The following MARK1 variants were observed in gnomAD, a reference collection of about 807,000 sequenced individuals.
The protein encoded by MARK1 is serine/threonine-protein kinase MARK1.
In MARK1, 40 loss-of-function variants were observed where a neutral mutation model predicts 96.3. The observed-to-expected ratio is 0.42, with a 90% CI of 0.32 to 0.54. MARK1 has a LOEUF of 0.54. Among genes scored for constraint, MARK1 ranks in the 20% least tolerant of loss-of-function variants. The pLI, the probability that MARK1 is intolerant of heterozygous loss-of-function variation, is 0.16. For synonymous variants in MARK1, 317 were observed against 341.2 expected (o/e 0.93, Z 0.78); for missense variants, 719 against 984.6 (o/e 0.73, Z 3.61).
Position 220,615,915 on chromosome 1 carries a change from CTT to C in MARK1, c.496-21_496-20del, listed in dbSNP as rs765896176. ...ATTGCGTTTTTTTAATAATTTGACT[CTT>C]TTATCCAAATGTTTATTCCAGATTG... On this transcript the variant is annotated intron_variant, in intron 6 of 17. Coordinates refer to ENST00000366917, the MANE Select transcript of MARK1 (RefSeq NM_018650.5). The C allele has an allele frequency of 8.1e-6, 11 of 1,361,784 alleles. No individual in the cohort carries two copies. The South Asian group carries it at 1.3e-4, about 16-fold the overall frequency. 84.4% of individuals were successfully genotyped at this position (1,361,784 alleles called of 1,614,324 possible).
intron 3 of MARK1, among the ~76,000 whole-genome samples, chr1:220,587,365 G>A (rs12125327): frequency 7.9e-6 from 1 of 127,158 alleles, no homozygotes; most frequent in South Asian, 2.5e-4. Context: ...CTCTCTCTCT[G>A]TCTTTCTTTC....
intron 13 of MARK1, among the ~76,000 whole-genome samples, chr1:220,638,407 G>A (rs1668090004): frequency 6.6e-6 from 1 of 151,846 alleles, no homozygotes; most frequent in African/African-American, 2.4e-5. Flanking sequence ...ATCTTTTATG[G>A]CCAAATACTC....
At position 220,654,636 on chromosome 1, in the gene MARK1, A is replaced by G. The variant is rs1572243145; in HGVS notation, c.1988+1284A>G. 6.6e-6 allele frequency among the ~76,000 whole-genome samples: 1 copy of G among 152,252 alleles called. No individual in the cohort carries two copies. The highest frequency in any genetic ancestry group is 6.5e-5 in the Admixed American group (1 of 15,280). ...AGTTAGATCATAGTGTTAGCCGGCCATCTGCAGGGTACTAGTCAGATTATC... is the reference window on the plus strand; with the variant it reads ...AGTTAGATCATAGTGTTAGCCGGCCGTCTGCAGGGTACTAGTCAGATTATC... On this transcript the variant is annotated intron_variant, in intron 16 of 17. Coordinates refer to ENST00000366917, the MANE Select transcript of MARK1 (RefSeq NM_018650.5). The surrounding 1 kb of genome is among the most constrained non-coding windows in gnomAD (Gnocchi z 4.0).
chr1:220,593,921 C>G (rs1291871216), intron 3 of MARK1, among the ~76,000 whole-genome samples: 1 of 152,158 alleles, frequency 6.6e-6, no homozygotes, highest in African/African-American at 2.4e-5. Context: ...GCACATTCTC[C>G]TCTGCTGACC....
At chr1:220,559,291 T>A (rs1414617454) in intron 1 of MARK1, among the ~76,000 whole-genome samples, 2 of 152,042 alleles carry the variant, frequency 1.3e-5, no homozygotes, top group Non-Finnish European at 2.9e-5. Flanking sequence ...GCCAAGAGAA[T>A]AAAGAGGGAT....
rs577371188 is a variant in MARK1, at chr1:220,623,264, C to T, written c.909+4509C>T. ...GGAAAGTTTTTCCCTCGACTTTTAA[C>T]GTTAACTCTTTTGGTTACCATGAAA... On this transcript the variant is annotated intron_variant, in intron 9 of 17. Coordinates refer to ENST00000366917, the MANE Select transcript of MARK1 (RefSeq NM_018650.5). Among the ~76,000 whole-genome samples the T allele has an allele frequency of 3.3e-5, 5 of 152,240 alleles. No individual in the cohort carries two copies. In the South Asian group the frequency reaches 6.2e-4, roughly 19 times the overall value.
At chr1:220,535,068 T>C (rs1660593889) in intron 1 of MARK1, among the ~76,000 whole-genome samples, 1 of 152,086 alleles carries the variant, frequency 6.6e-6, no homozygotes, top group African/African-American at 2.4e-5. Context: ...GTTCTATTGT[T>C]GGGTCATATG....
At chr1:220,556,639 T>G (rs1662285603) in intron 1 of MARK1, among the ~76,000 whole-genome samples, 1 of 151,946 alleles carries the variant, frequency 6.6e-6, no homozygotes, top group South Asian at 2.1e-4. Flanking sequence ...GAATATAAAT[T>G]TGTTTAAAAA....
At chr1:220,537,793 A>T (rs1660821197) in intron 1 of MARK1, among the ~76,000 whole-genome samples, 1 of 151,752 alleles carries the variant, frequency 6.6e-6, no homozygotes, top group African/African-American at 2.4e-5. Flanking sequence ...CTGGTGTGAG[A>T]TGGTATCTCA....
intron 17 of MARK1, among the ~76,000 whole-genome samples, chr1:220,659,115 CTG>C (rs1267091900): frequency 6.6e-6 from 1 of 152,052 alleles, no homozygotes; most frequent in Non-Finnish European, 1.5e-5. Context: ...GAATTAGTAA[CTG>C]ATATTTTATA....
At chr1:220,651,377 T>C (rs974655664) in intron 14 of MARK1, among the ~76,000 whole-genome samples, 11 of 152,140 alleles carry the variant, frequency 7.2e-5, no homozygotes, top group Admixed American at 2.6e-4. Flanking sequence ...TTAATAAGAA[T>C]GTAAAGTAAG....
At chr1:220,533,611 G>A (rs1314641737) in intron 1 of MARK1, among the ~76,000 whole-genome samples, 3 of 152,060 alleles carry the variant, frequency 2.0e-5, no homozygotes, top group Non-Finnish European at 4.4e-5. Context: ...TGTAACTCTA[G>A]GTTGATAGTT....
rs970424109 is a variant in MARK1 at position 220,530,279 on chromosome 1, T to C, written c.51+1406T>C. On this transcript the variant is annotated intron_variant, in intron 1 of 17. Coordinates refer to ENST00000366917, the MANE Select transcript of MARK1 (RefSeq NM_018650.5). ...CTGCTATCATAAATTAGAACTTCAT[T>C]TGCATCATAACTATTTTAGAAAATA... 2.0e-5 allele frequency among the ~76,000 whole-genome samples: 3 copies of C among 152,186 alleles called. No individual in the cohort carries two copies. In the East Asian group the frequency reaches 5.8e-4, roughly 29 times the overall value.
intron 9 of MARK1, 129 bp from the exon 10 acceptor site, chr1:220,630,906 C>A: frequency 1.6e-6 from 1 of 639,068 alleles, no homozygotes; most frequent in Non-Finnish European, 2.7e-6. Flanking sequence ...TTTTGGCCCA[C>A]TAATCAAACT....
At chr1:220,548,780 T>C (rs1394999493) in intron 1 of MARK1, among the ~76,000 whole-genome samples, 1 of 151,976 alleles carries the variant, frequency 6.6e-6, no homozygotes, top group Non-Finnish European at 1.5e-5. Flanking sequence ...ATAATAATAA[T>C]TAATAAATAA....
At chr1:220,545,936 C>T (rs372344390) in intron 1 of MARK1, among the ~76,000 whole-genome samples, 5 of 152,070 alleles carry the variant, frequency 3.3e-5, no homozygotes, top group Middle Eastern at 3.2e-3. Context: ...TGCACAACTC[C>T]GAATTAGCAA....
intron 16 of MARK1, among the ~76,000 whole-genome samples, chr1:220,655,674 A>G (rs1205560941): frequency 6.6e-6 from 1 of 152,140 alleles, no homozygotes; most frequent in Non-Finnish European, 1.5e-5. Flanking sequence ...ACCACTATTC[A>G]TCTTTCACTT....
At chr1:220,581,402 T>C (rs541474219) in intron 3 of MARK1, among the ~76,000 whole-genome samples, 1 of 152,290 alleles carries the variant, frequency 6.6e-6, no homozygotes, top group Middle Eastern at 3.4e-3. Context: ...ATTTGAAATA[T>C]TCAAATATTT....
rs371144473 is a variant in MARK1, at chr1:220,604,020, C to G, written c.425-47C>G. ...ACTTGACATTGCATATATTGTTAAC[C>G]AAAAATCTATGTATATTTTACTACC... On this transcript the variant is annotated intron_variant, in intron 5 of 17. Transcript: ENST00000366917. The G allele has an allele frequency of 1.5e-3, 1,896 of 1,263,864 alleles. 2 individuals are homozygous for G. Among genetic ancestry groups the G allele is most frequent in the Admixed American group, 3.5e-3 (155 of 44,682 alleles). The allele number at this position is 1,263,864 out of a possible 1,614,324, so 78.3% of individuals were successfully genotyped here.
Sources: allele counts gnomAD v4.1 joint callset (sites outside exome capture counted in the v4.1 genomes callset), GRCh38; gene constraint gnomAD v4.1.1; non-coding constraint Gnocchi (gnomAD v3.1); transcripts MANE v1.5; gene names NCBI Gene and HGNC (gene_info 2026-07-23, HGNC 2026-07-21).